NDRG4: variants seen among roughly 807,000 people sequenced by gnomAD.
NDRG4 encodes the protein protein NDRG4.
In NDRG4, 38 loss-of-function variants were observed where a neutral mutation model predicts 55.8. The observed-to-expected ratio is 0.68, with a 90% CI of 0.53 to 0.89. NDRG4 has a LOEUF of 0.89. Among genes scored for constraint, NDRG4 ranks in the 40% least tolerant of loss-of-function variants. The pLI is 0.00. For synonymous variants in NDRG4, 190 were observed against 182.7 expected, an observed-to-expected ratio of 1.04 and a Z score of -0.32; for missense variants, 455 against 468.6, an observed-to-expected ratio of 0.97 and a Z score of 0.27.
chr16:58,482,080 C>T (rs1381474782), intron 1 of NDRG4, among the ~76,000 whole-genome samples: 14 of 152,134 alleles, frequency 9.2e-5, no homozygotes, highest in Admixed American at 7.9e-4. Flanking sequence ...GTGCAGAGGC[C>T]TGGACATGAG....
In NDRG4 at chr16:58,513,291, G is replaced by A. The variant is rs1224282213; in HGVS notation, c.*1715G>A. 1.3e-5 allele frequency: 2 copies of A among 152,104 alleles called. No individual in the cohort carries two copies. Among genetic ancestry groups the A allele is most frequent in the Non-Finnish European group, 2.9e-5 (2 of 68,006 alleles). 9.4% of individuals were successfully genotyped at this position (152,104 alleles called of 1,614,324 possible). ...TTTATTATTTTCTTCTCCGCACAAA[G>A]TAAAGAGCCTAATTTTGTGTATTCT... On this transcript the variant is annotated 3_prime_UTR_variant, in exon 15 of 15. Coordinates refer to ENST00000570248, the MANE Select transcript of NDRG4 (RefSeq NM_001242835.2).
At chr16:58,476,998 A>G (rs2033740182) in intron 1 of NDRG4, among the ~76,000 whole-genome samples, 1 of 152,082 alleles carries the variant, frequency 6.6e-6, no homozygotes, top group African/African-American at 2.4e-5. Context: ...ATTATGGATG[A>G]GAGCCAGGTT....
At chr16:58,489,355 G>A (rs2035501660) in intron 2 of NDRG4, among the ~76,000 whole-genome samples, 1 of 151,896 alleles carries the variant, frequency 6.6e-6, no homozygotes, top group Non-Finnish European at 1.5e-5. Flanking sequence ...ATGGGACCCA[G>A]GATGCAATCT....
chr16:58,506,514 T>A (rs1438686569), intron 6 of NDRG4, 41 bp downstream of exon 6: 1 of 1,017,404 alleles, frequency 9.8e-7, no homozygotes, highest in Non-Finnish European at 1.4e-6. Flanking sequence ...ATACCTAGGG[T>A]GGGGTGAGGG....
At chr16:58,473,093 T>G (rs1229453958) in intron 1 of NDRG4, among the ~76,000 whole-genome samples, 1 of 152,206 alleles carries the variant, frequency 6.6e-6, no homozygotes, top group Non-Finnish European at 1.5e-5. Context: ...CAAATTGTTT[T>G]CTAAAAACTG....
chr16:58,496,266 GC>G (rs1209479453), upstream of NDRG4, among the ~76,000 whole-genome samples: 2 of 152,056 alleles, frequency 1.3e-5, no homozygotes, highest in East Asian at 3.9e-4. Context: ...GCTGCCTCTG[GC>G]CCCTGAGCCC....
At chr16:58,491,691 C>T (rs929073110) in intron 2 of NDRG4, among the ~76,000 whole-genome samples, 4 of 152,130 alleles carry the variant, frequency 2.6e-5, no homozygotes, top group African/African-American at 9.7e-5. Flanking sequence ...AACTCCCAAC[C>T]TCAGGTGATT....
chr16:58,473,453 C>T (rs755363131), intron 1 of NDRG4, among the ~76,000 whole-genome samples: 5 of 152,200 alleles, frequency 3.3e-5, no homozygotes, highest in Non-Finnish European at 7.4e-5. Context: ...CCTGAGCCAC[C>T]GTGCTAACCT....
intron 1 of NDRG4, chr16:58,501,492 T>A (rs1456932759): frequency 6.0e-6 from 1 of 165,620 alleles, no homozygotes; most frequent in East Asian, 1.7e-4. Context: ...GCCCTGAGGG[T>A]TGGGGGCCTC....
At chr16:58,495,808 A>G (rs1597231902), upstream of NDRG4, among the ~76,000 whole-genome samples, 1 of 152,150 alleles carries the variant, frequency 6.6e-6, no homozygotes, top group African/African-American at 2.4e-5. Flanking sequence ...GCCAATGTAC[A>G]TGTGCTCAGA....
intron 13 of NDRG4, 37 bp from the exon 14 acceptor site, chr16:58,510,608 A>G: frequency 6.6e-7 from 1 of 1,515,216 alleles, no homozygotes; most frequent in Non-Finnish European, 8.9e-7. Flanking sequence ...TGTCTCCCCC[A>G]TCCCCGCCCC....
At position 58,505,165 on chromosome 16, in the gene NDRG4, C is replaced by A. The variant is rs577483015; in HGVS notation, c.372+516C>A. On this transcript the variant is annotated intron_variant, in intron 5 of 14. Coordinates refer to ENST00000570248, the MANE Select transcript of NDRG4 (RefSeq NM_001242835.2). ...GAGATCAAGACCATCCTGGCTAACACGGTGAAACCCAGTCTCTACTAAAAA... is the reference window on the plus strand; with the variant it reads ...GAGATCAAGACCATCCTGGCTAACAAGGTGAAACCCAGTCTCTACTAAAAA... Among the ~76,000 whole-genome samples the A allele has an allele frequency of 4.6e-5, 7 of 152,090 alleles. No individual in the cohort carries two copies. The East Asian group carries it at 5.8e-4, about 13-fold the overall frequency.
At position 58,512,044 on chromosome 16, in the gene NDRG4, T is replaced by A. The variant is rs889600382; in HGVS notation, c.*468T>A. 3 of 457,772 alleles carry A rather than the reference T, an allele frequency of 6.6e-6. No homozygotes were observed. The highest frequency in any genetic ancestry group is 4.0e-5 in the African/African-American group (2 of 50,238). The allele number at this position is 457,772 out of a possible 1,614,324, so 28.4% of individuals were successfully genotyped here. On this transcript the variant is annotated 3_prime_UTR_variant, in exon 15 of 15. Transcript: ENST00000570248. Reference sequence around the variant, plus strand: ...ACCAAGCACACCTGTTTCTGTCTCATAGCACATGTGACAATCATCTGGACA... The same window carrying A: ...ACCAAGCACACCTGTTTCTGTCTCAAAGCACATGTGACAATCATCTGGACA...
At chr16:58,485,364 C>A (rs1000868370) in intron 1 of NDRG4, among the ~76,000 whole-genome samples, 1 of 152,186 alleles carries the variant, frequency 6.6e-6, no homozygotes, top group African/African-American at 2.4e-5. Flanking sequence ...GCCACCACCT[C>A]CGTCACAGGC....
chr16:58,515,160 G>A (rs2039073341), downstream of NDRG4, among the ~76,000 whole-genome samples: 1 of 152,164 alleles, frequency 6.6e-6, no homozygotes, highest in Admixed American at 6.5e-5. Flanking sequence ...GTCGCTCGCC[G>A]CCCAGTTGCG....
intron 1 of NDRG4, among the ~76,000 whole-genome samples, chr16:58,503,350 C>T (rs766499863): frequency 7.9e-5 from 12 of 152,222 alleles, no homozygotes; most frequent in East Asian, 1.9e-4. Flanking sequence ...TTGGCTGGCA[C>T]GGGGTGTTTT....
At chr16:58,479,842 C>T (rs966901759) in intron 1 of NDRG4, among the ~76,000 whole-genome samples, 5 of 152,170 alleles carry the variant, frequency 3.3e-5, no homozygotes, top group Non-Finnish European at 5.9e-5. Context: ...ATTTCTCTGA[C>T]GGCCAGTGAG....
At chr16:58,472,012 A>C (rs571849647) in intron 1 of NDRG4, among the ~76,000 whole-genome samples, 55 of 152,258 alleles carry the variant, frequency 3.6e-4, no homozygotes, top group South Asian at 8.3e-4. Flanking sequence ...GGGTGCCAGA[A>C]ATGGCTTTTA....
chr16:58,512,328 C>T lies in NDRG4; in HGVS notation c.*752C>T, dbSNP rs142663688. The stretch of plus-strand genomic sequence containing the variant: ...GCCTGGTCCTCTGTCCCCACAGTGA[C>T]CTGACTGGGGGTGAGGGAGAAGGAG... On this transcript the variant is annotated 3_prime_UTR_variant, in exon 15 of 15. Coordinates refer to ENST00000570248, the MANE Select transcript of NDRG4 (RefSeq NM_001242835.2). 904 of 339,514 alleles carry T rather than the reference C, an allele frequency of 2.7e-3. 3 individuals carry two copies. The highest frequency in any genetic ancestry group is 4.3e-3 in the Non-Finnish European group (738 of 173,246). The allele number at this position is 339,514 out of a possible 1,614,324, so 21.0% of individuals were successfully genotyped here.
Sources: allele counts gnomAD v4.1 joint callset (sites outside exome capture counted in the v4.1 genomes callset), GRCh38; gene constraint gnomAD v4.1.1; transcripts MANE v1.5; gene names NCBI Gene and HGNC (gene_info 2026-07-23, HGNC 2026-07-21).